Variants in RIF1 observed in about 807,000 individuals in gnomAD.
The protein encoded by RIF1 is telomere-associated protein RIF1.
Under a neutral mutation model 247.1 loss-of-function variants are expected in RIF1, and 45 were observed. The observed-to-expected ratio is 0.18, with a 90% confidence interval of 0.14 to 0.23. The LOEUF (loss-of-function observed/expected upper bound fraction) is 0.23. Among genes scored for constraint, RIF1 ranks in the 10% least tolerant of loss-of-function variants. RIF1 has a pLI of 1.00. For synonymous variants in RIF1, 1,087 were observed against 978.8 expected (o/e 1.11, Z -2.06); for missense variants, 2,967 against 2,862.5 (o/e 1.04, Z -0.83).
chr2:151,503,578 A>G (rs953925322), intron 12 of RIF1: 28 of 564,688 alleles, frequency 5.0e-5, no homozygotes, highest in Non-Finnish European at 6.2e-5. Flanking sequence ...AACAGGGGGG[A>G]AAATTCCATG....
rs891661644 is a variant in RIF1 at position 151,481,345 on chromosome 2, C to CACT, written c.*6281_*6283dup. On this transcript the variant is annotated 3_prime_UTR_variant, in exon 36 of 36. Transcript: ENST00000444746. ...TGCTCAAATTACAGATACTAGGAAA[C>CACT]ACTACTACTTTATAAGTACACTTCT... 3 of 152,214 alleles carry CACT rather than the reference C, an allele frequency of 2.0e-5. No homozygotes were observed. Among genetic ancestry groups the CACT allele is most frequent in the African/African-American group, 7.2e-5 (3 of 41,442 alleles). 9.4% of individuals were successfully genotyped at this position (152,214 alleles called of 1,614,324 possible). A position where few individuals can be genotyped will look rare whatever the true frequency, so the allele number is the denominator to read the frequency against.
At chr2:151,506,286 A>C (rs1294602153) in exon 13 of RIF1, 1 of 1,537,382 alleles carries the variant, frequency 6.5e-7, no homozygotes, top group South Asian at 1.1e-5. Context: ...GGACAGTGTT[A>C]ACACAGAAGA....
At chr2:151,419,410 C>T (rs1264399536) in intron 6 of RIF1, among the ~76,000 whole-genome samples, 2 of 152,042 alleles carry the variant, frequency 1.3e-5, no homozygotes, top group African/African-American at 2.4e-5. Flanking sequence ...ACTGCAACCT[C>T]CGCCTCCCGG....
chr2:151,493,689 G>T, intron 9 of RIF1: 1 of 1,140,786 alleles, frequency 8.8e-7, no homozygotes. Context: ...AAAAGTTTTG[G>T]AAAAACTGTA....
intron 1 of RIF1, 59 bp downstream of exon 1, chr2:151,410,092 C>T (rs1477361594): frequency 2.0e-5 from 14 of 697,080 alleles, no homozygotes; most frequent in Non-Finnish European, 3.2e-5. Context: ...TCTGCCCACC[C>T]TCCGCCCCCT....
intron 9 of RIF1, among the ~76,000 whole-genome samples, chr2:151,494,797 C>T (rs1434362247): frequency 2.0e-5 from 3 of 152,084 alleles, no homozygotes; most frequent in South Asian, 2.1e-4. Context: ...TACAGGCGTG[C>T]ACCACCATGC....
chr2:151,533,675 G>A, the RIF1 span: 12 of 615,052 alleles, frequency 2.0e-5, no homozygotes, highest in South Asian at 6.3e-5. Context: ...ACATATGTGC[G>A]GGTGAAGACA....
chr2:151,444,063 G>T (rs1692816508), intron 18 of RIF1, among the ~76,000 whole-genome samples: 1 of 152,160 alleles, frequency 6.6e-6, no homozygotes, highest in African/African-American at 2.4e-5. Context: ...AGCCACGTTG[G>T]TGATTACCTC....
In RIF1 at chr2:151,461,307, CTTGAGTTGGGTATTTGGTA is replaced by C. The variant is rs764695359; in HGVS notation, c.3227+21_3227+39del. On this transcript the variant is annotated intron_variant, in intron 27 of 35. Coordinates refer to ENST00000444746, the MANE Select transcript of RIF1 (RefSeq NM_018151.5). ...ACAAAGCGGTTTGTAGGCCTTTTAT[CTTGAGTTGGGTATTTGGTA>C]TTCAGGCTTAGATTTCATGCAAGAA... The C allele has an allele frequency of 4.4e-6, 7 of 1,607,216 alleles. No individual in the cohort carries two copies. The South Asian group carries it at 7.8e-5, about 18-fold the overall frequency.
downstream of RIF1, among the ~76,000 whole-genome samples, chr2:151,508,833 A>G (rs2071488419): frequency 6.6e-6 from 1 of 152,268 alleles, no homozygotes; most frequent in Admixed American, 6.5e-5. Context: ...AGACGTGTCC[A>G]TATAGAGGCT....
Position 151,457,087 on chromosome 2 carries a change from G to GTT in RIF1, c.2652+479_2652+480dup, listed in dbSNP as rs545229546. On this transcript the variant is annotated intron_variant, in intron 23 of 35. Coordinates refer to ENST00000444746, the MANE Select transcript of RIF1 (RefSeq NM_018151.5). ...AACACCATATGAACACATTTATAGGGTTTTTTTTTTTTTAAGGATTTAATA... is the reference window on the plus strand; with the variant it reads ...AACACCATATGAACACATTTATAGGGTTTTTTTTTTTTTTTAAGGATTTAATA... Among the ~76,000 whole-genome samples the GTT allele has an allele frequency of 4.4e-4, 64 of 143,862 alleles. 1 individual carries two copies. The highest frequency in any genetic ancestry group is 1.5e-3 in the African/African-American group (61 of 39,782). 94.4% of individuals were successfully genotyped at this position (143,862 alleles called of 152,430 possible).
the RIF1 span, chr2:151,530,988 A>G: frequency 6.3e-7 from 1 of 1,593,968 alleles, no homozygotes; most frequent in Non-Finnish European, 8.6e-7. Context: ...CCATTCTAGT[A>G]CTTACATCAC....
At chr2:151,483,266 C>G (rs867573356), downstream of RIF1, 2 of 151,998 alleles carry the variant, frequency 1.3e-5, no homozygotes, top group Admixed American at 6.6e-5. Context: ...TCCCTAGTAT[C>G]GTTGGACCAA....
chr2:151,507,035 CTTG>C (rs1463752703), intron 13 of RIF1: 4 of 1,391,242 alleles, frequency 2.9e-6, no homozygotes, highest in East Asian at 2.3e-5. Flanking sequence ...GAGTAAACAT[CTTG>C]TTAAGATTTC....
At chr2:151,460,836 T>A (rs183550618) in intron 26 of RIF1, among the ~76,000 whole-genome samples, 7 of 152,346 alleles carry the variant, frequency 4.6e-5, no homozygotes, top group Admixed American at 2.6e-4. Flanking sequence ...AAATATACTC[T>A]CCTCCTGCCA....
intron 9 of RIF1, chr2:151,495,160 G>A (rs966829892): frequency 2.6e-5 from 4 of 152,112 alleles, no homozygotes; most frequent in South Asian, 2.1e-4. Context: ...CTATCATGGC[G>A]AATCAGTGGA....
At chr2:151,529,194 A>C in the RIF1 span, 1 of 1,553,722 alleles carries the variant, frequency 6.4e-7, no homozygotes, top group South Asian at 1.1e-5. Flanking sequence ...TGCTTGGGGA[A>C]GTTTCTGGAA....
chr2:151,437,873 G>C (rs886609342), intron 13 of RIF1, among the ~76,000 whole-genome samples: 1 of 152,156 alleles, frequency 6.6e-6, no homozygotes, highest in Non-Finnish European at 1.5e-5. Flanking sequence ...AGTCACTTAC[G>C]AGTGGTAGTA....
intron 17 of RIF1, 37 bp from the exon 18 acceptor site, chr2:151,443,492 C>A: frequency 1.3e-6 from 2 of 1,501,034 alleles, no homozygotes; most frequent in South Asian, 1.3e-5. Flanking sequence ...ATATTCCTGC[C>A]AAAAAGTTGA....
Sources: gnomAD v4.1 joint callset for allele counts (sites outside exome capture counted in the v4.1 genomes callset) on GRCh38, gnomAD v4.1.1 for gene constraint, MANE v1.5 for transcripts, NCBI Gene and HGNC (gene_info 2026-07-23, HGNC 2026-07-21) for gene names.